The following NXPH1 variants were observed in gnomAD, a reference collection of about 807,000 sequenced individuals.
NXPH1 encodes neurexophilin 1.
NXPH1 carries 5 observed loss-of-function variants against 23.7 expected under a neutral mutation model. The observed-to-expected ratio is 0.21, with a 90% confidence interval of 0.11 to 0.44. NXPH1 has a LOEUF of 0.44. NXPH1 is among the 20% of genes least tolerant of loss of function. NXPH1 has a pLI of 0.99. For synonymous variants in NXPH1, 144 were observed against 122.2 expected, an observed-to-expected ratio of 1.18 and a Z score of -1.18; for missense variants, 324 against 321.6, an observed-to-expected ratio of 1.01 and a Z score of -0.06.
intron 2 of NXPH1, among the ~76,000 whole-genome samples, chr7:8,613,685 G>T (rs941674744): frequency 2.0e-5 from 3 of 151,748 alleles, no homozygotes; most frequent in African/African-American, 4.8e-5. Context: ...TTTATTTATT[G>T]TATCATTCAA....
intron 2 of NXPH1, among the ~76,000 whole-genome samples, chr7:8,591,798 G>C (rs1819099816): frequency 6.6e-6 from 1 of 150,604 alleles, no homozygotes; most frequent in Non-Finnish European, 1.5e-5. Context: ...AATGAACACT[G>C]TATTTGCTGA....
intron 2 of NXPH1, among the ~76,000 whole-genome samples, chr7:8,588,191 G>A (rs1295451301): frequency 3.3e-5 from 5 of 152,120 alleles, no homozygotes; most frequent in African/African-American, 4.8e-5. Flanking sequence ...ACAGTGTGGC[G>A]ATTCCTCAAG....
intron 2 of NXPH1, among the ~76,000 whole-genome samples, chr7:8,509,363 G>C (rs887411878): frequency 1.1e-4 from 17 of 152,180 alleles, no homozygotes; most frequent in African/African-American, 4.1e-4. Flanking sequence ...TAAACACCTT[G>C]CTTTGGAAGA....
chr7:8,545,987 A>T (rs1047440849), intron 2 of NXPH1, among the ~76,000 whole-genome samples: 9 of 151,568 alleles, frequency 5.9e-5, no homozygotes, highest in Non-Finnish European at 8.9e-5. Context: ...CAGCTGTTGT[A>T]CTTTTGATTT....
chr7:8,538,160 A>G (rs1164515363), intron 2 of NXPH1, among the ~76,000 whole-genome samples: 2 of 151,926 alleles, frequency 1.3e-5, no homozygotes, highest in African/African-American at 4.8e-5. Flanking sequence ...CTAGGAGTAA[A>G]TGTTCAATAA....
At chr7:8,525,571 G>A (rs1274649772) in intron 2 of NXPH1, among the ~76,000 whole-genome samples, 1 of 152,128 alleles carries the variant, frequency 6.6e-6, no homozygotes, top group Non-Finnish European at 1.5e-5. Context: ...AGGCCCAGAG[G>A]CCCAGGAGGA....
intron 2 of NXPH1, among the ~76,000 whole-genome samples, chr7:8,730,783 G>T (rs6947803): frequency 0.24 from 35,231 of 145,578 alleles, 4,683 homozygotes; most frequent in African/African-American, 0.33. Context: ...ATTTTTTCCT[G>T]CATTTCAACT....
intron 2 of NXPH1, among the ~76,000 whole-genome samples, chr7:8,515,668 G>A (rs568978091): frequency 5.3e-5 from 8 of 152,210 alleles, no homozygotes; most frequent in African/African-American, 1.9e-4. Context: ...CTAAAGGGCT[G>A]TAAATAAGAC....
chr7:8,467,242 T>A (rs912979137), intron 2 of NXPH1, among the ~76,000 whole-genome samples: 1 of 152,196 alleles, frequency 6.6e-6, no homozygotes, highest in African/African-American at 2.4e-5. Flanking sequence ...AAAATCTGGT[T>A]TAAAAGGTCA....
intron 2 of NXPH1, among the ~76,000 whole-genome samples, chr7:8,675,174 T>G (rs1473823761): frequency 3.9e-5 from 6 of 152,060 alleles, no homozygotes; most frequent in Admixed American, 1.3e-4. Context: ...TTATATAATA[T>G]TGGGTAAGTA....
At chr7:8,567,697 C>T (rs1322791493) in intron 2 of NXPH1, among the ~76,000 whole-genome samples, 1 of 151,842 alleles carries the variant, frequency 6.6e-6, no homozygotes, top group Non-Finnish European at 1.5e-5. Flanking sequence ...CTGAAGCCTG[C>T]ATATTTCTCT....
intron 2 of NXPH1, among the ~76,000 whole-genome samples, chr7:8,689,552 G>A (rs1049662970): frequency 6.6e-6 from 1 of 152,164 alleles, no homozygotes; most frequent in Non-Finnish European, 1.5e-5. Flanking sequence ...TAGTGTTAGG[G>A]TGTAGGAGAG....
At chr7:8,623,208 G>A (rs547513143) in intron 2 of NXPH1, among the ~76,000 whole-genome samples, 1 of 152,158 alleles carries the variant, frequency 6.6e-6, no homozygotes, top group Non-Finnish European at 1.5e-5. Context: ...TGCAGGTGCA[G>A]AGGAGTGGAG....
At chr7:8,514,762 C>T (rs576844356) in intron 2 of NXPH1, among the ~76,000 whole-genome samples, 1 of 152,196 alleles carries the variant, frequency 6.6e-6, no homozygotes, top group South Asian at 2.1e-4. Flanking sequence ...GCATGCTATT[C>T]TTTTTCACCA....
intron 2 of NXPH1, among the ~76,000 whole-genome samples, chr7:8,467,572 A>G (rs1006283272): frequency 2.0e-5 from 3 of 152,170 alleles, no homozygotes; most frequent in Admixed American, 2.0e-4. Context: ...TATATAAGTT[A>G]AGTGAGGGAT....
intron 2 of NXPH1, among the ~76,000 whole-genome samples, chr7:8,463,712 A>T (rs1046152490): frequency 6.6e-6 from 1 of 152,170 alleles, no homozygotes; most frequent in Non-Finnish European, 1.5e-5. Context: ...GCCTAAGGCC[A>T]TTTATATTGC....
chr7:8,710,428 G>A (rs551699974), intron 2 of NXPH1, among the ~76,000 whole-genome samples: 1 of 152,272 alleles, frequency 6.6e-6, no homozygotes, highest in East Asian at 1.9e-4. Context: ...AATGTGCGAG[G>A]TTTGTTCTCT....
intron 2 of NXPH1, among the ~76,000 whole-genome samples, chr7:8,703,601 A>G (rs997844397): frequency 1.2e-4 from 18 of 151,976 alleles, no homozygotes; most frequent in Non-Finnish European, 1.5e-5. Flanking sequence ...ATTATTATCT[A>G]TGGTTGATTG....
At chr7:8,549,145 G>A (rs935299691) in intron 2 of NXPH1, among the ~76,000 whole-genome samples, 1 of 151,476 alleles carries the variant, frequency 6.6e-6, no homozygotes, top group African/African-American at 2.4e-5. Context: ...TGAAGAGCCA[G>A]TCTTGTTGCC....
Sources: gnomAD v4.1 joint callset for allele counts (sites outside exome capture counted in the v4.1 genomes callset) on GRCh38, gnomAD v4.1.1 for gene constraint, MANE v1.5 for transcripts, NCBI Gene and HGNC (gene_info 2026-07-23, HGNC 2026-07-21) for gene names.